Variants in ARSJ observed in about 807,000 individuals in gnomAD.
ARSJ encodes arylsulfatase family member J.
Under a neutral mutation model 35.9 loss-of-function variants are expected in ARSJ, and 26 were observed. That is an observed-to-expected ratio of 0.72 (90% CI 0.53 to 1.00). The LOEUF is 1.00. ARSJ is among the 50% of genes least tolerant of loss of function. ARSJ has a pLI of 0.00. For synonymous variants in ARSJ, 294 were observed against 267.6 expected, an observed-to-expected ratio of 1.10 and a Z score of -0.96; for missense variants, 667 against 723.6, an observed-to-expected ratio of 0.92 and a Z score of 0.90.
chr4:113,928,441 T>C (rs1307136024), intron 1 of ARSJ, among the ~76,000 whole-genome samples: 1 of 152,132 alleles, frequency 6.6e-6, no homozygotes, highest in African/African-American at 2.4e-5. Flanking sequence ...TTCAAAATAG[T>C]CTTTTGTCCA....
At position 113,978,528 on chromosome 4, in the gene ARSJ, G is replaced by A. The variant is rs1460143200; in HGVS notation, c.307C>T (p.Leu103Phe). The change falls in exon 1 of 2, where the codon CTT (leucine) becomes TTT (phenylalanine). Residue 103 changes from leucine to phenylalanine, a missense_variant. By Grantham distance (22) the Leu-to-Phe change is conservative (BLOSUM62 0). Transcript: ENST00000315366. ...ACTCCTTCGGCAGCGAGCTTGTCAA[G>A]AGTAGGTGTTTTAATCTCAGATCCG... ...YHGSEIKTPT[L>F]DKLAAEGVKL... 8.1e-6 allele frequency: 13 copies of A among 1,614,118 alleles called. No individual in the cohort carries two copies. The highest frequency in any genetic ancestry group is 1.1e-5 in the Non-Finnish European group (13 of 1,180,028).
At chr4:113,976,319 C>T (rs958160925) in intron 1 of ARSJ, among the ~76,000 whole-genome samples, 3 of 151,946 alleles carry the variant, frequency 2.0e-5, no homozygotes, top group Non-Finnish European at 4.4e-5. Context: ...TTTATGGCTT[C>T]CTTTTTTAAT....
chr4:113,913,119 C>A (rs1482570753), intron 1 of ARSJ, among the ~76,000 whole-genome samples: 1 of 152,000 alleles, frequency 6.6e-6, no homozygotes, highest in Non-Finnish European at 1.5e-5. Flanking sequence ...AATTACCCCT[C>A]AAATCCAGAG....
In ARSJ at chr4:113,937,303, A is replaced by G. The variant is rs977083571; in HGVS notation, c.399-33628T>C. The stretch of plus-strand genomic sequence containing the variant: ...GTAAGAACACGAACCCTTAGGAAGA[A>G]TTAGATCCTGCTGGATCAAAGCCAC... On this transcript the variant is annotated intron_variant, in intron 1 of 1. Transcript: ENST00000315366. Among the ~76,000 whole-genome samples the G allele has an allele frequency of 1.3e-4, 20 of 152,124 alleles. No homozygotes were observed. In the East Asian group the frequency reaches 3.7e-3, roughly 28 times the overall value.
intron 1 of ARSJ, among the ~76,000 whole-genome samples, chr4:113,908,991 G>A (rs2099669622): frequency 6.6e-6 from 1 of 152,010 alleles, no homozygotes; most frequent in Non-Finnish European, 1.5e-5. Flanking sequence ...AGATTGTTTA[G>A]AGATTGTTTA....
At chr4:113,973,434 A>T (rs1263910518) in intron 1 of ARSJ, among the ~76,000 whole-genome samples, 1 of 152,118 alleles carries the variant, frequency 6.6e-6, no homozygotes. Context: ...TCCATGATCC[A>T]CCATGCTAAT....
chr4:113,959,705 T>C (rs1167954005), intron 1 of ARSJ, among the ~76,000 whole-genome samples: 2 of 152,116 alleles, frequency 1.3e-5, no homozygotes, highest in Non-Finnish European at 2.9e-5. Flanking sequence ...TGTTTTTTTC[T>C]TGAACATTTG....
rs185248925 is a variant in ARSJ, at chr4:113,937,282, G to C, written c.399-33607C>G. The stretch of plus-strand genomic sequence containing the variant: ...CTAATAATCCTGTAGTGACACGTAA[G>C]AACACGAACCCTTAGGAAGAATTAG... On this transcript the variant is annotated intron_variant, in intron 1 of 1. Transcript: ENST00000315366. Among the ~76,000 whole-genome samples, 458 of 152,036 alleles carry C rather than the reference G, an allele frequency of 3.0e-3. 3 individuals are homozygous for C. Among genetic ancestry groups the C allele is most frequent in the African/African-American group, 0.01 (424 of 41,518 alleles).
chr4:113,902,904 T>A lies in ARSJ; in HGVS notation c.1170A>T (p.Gly390=). 6.2e-7 allele frequency: 1 copy of A among 1,614,216 alleles called. No homozygotes were observed. The highest frequency in any genetic ancestry group is 8.5e-7 in the Non-Finnish European group (1 of 1,180,034). The change falls in exon 2 of 2, where the codon GGA becomes GGT. Residue 390 remains glycine (G), a synonymous_variant. Transcript: ENST00000315366. ...CTAGTTGAATGTCCTCATCAATCTG[T>A]CCTTCAGCCAGTGAAATGAGAGTGG... ...WYPTLISLAE[G]QIDEDIQLDG...
Position 113,957,015 on chromosome 4 carries a change from G to A in ARSJ, c.398+21422C>T, listed in dbSNP as rs145032969. 2.9e-3 allele frequency among the ~76,000 whole-genome samples: 435 copies of A among 152,198 alleles called. 5 individuals carry two copies. Among genetic ancestry groups the A allele is most frequent in the African/African-American group, 9.7e-3 (403 of 41,540 alleles). ...CAGTATTTTATAGGCTGTTGCAGCTGTAGCAGCAAGATGGACCTATAGAAT... is the reference window on the plus strand; with the variant it reads ...CAGTATTTTATAGGCTGTTGCAGCTATAGCAGCAAGATGGACCTATAGAAT... On this transcript the variant is annotated intron_variant, in intron 1 of 1. Transcript: ENST00000315366.
chr4:113,954,034 G>T (rs1455003593), intron 1 of ARSJ, among the ~76,000 whole-genome samples: 1 of 151,874 alleles, frequency 6.6e-6, no homozygotes, highest in Non-Finnish European at 1.5e-5. Flanking sequence ...TTCCTGTTCT[G>T]GGTTTCTAAT....
chr4:113,965,217 ACTT>A (rs1299682206), intron 1 of ARSJ, among the ~76,000 whole-genome samples: 3 of 152,122 alleles, frequency 2.0e-5, no homozygotes, highest in Non-Finnish European at 4.4e-5. Context: ...AAAAACAAGA[ACTT>A]CTTCCAACTT....
chr4:113,978,669 C>T lies in ARSJ; in HGVS notation c.166G>A (p.Gly56Arg). The change falls in exon 1 of 2, where the codon GGG becomes AGG. Residue 56 changes from glycine to arginine, a missense_variant. Transcript: ENST00000315366. Reference sequence around the variant, plus strand: ...TCTCCAGCTTGAGCTAGTAAGGCCCCTTCTTCCTCCTCTTCTAAGGCCTGG... The same window carrying T: ...TCTCCAGCTTGAGCTAGTAAGGCCCTTTCTTCCTCCTCTTCTAAGGCCTGG... ...WGQALEEEEEGALLAQAGEKL... is the reference protein window; with the variant it reads ...WGQALEEEEERALLAQAGEKL... 6.2e-7 allele frequency: 1 copy of T among 1,614,258 alleles called. No homozygotes were observed. Among genetic ancestry groups the T allele is most frequent in the Non-Finnish European group, 8.5e-7 (1 of 1,180,052 alleles).
At chr4:113,944,429 T>C (rs1347325079) in intron 1 of ARSJ, 2 of 152,054 alleles carry the variant, frequency 1.3e-5, no homozygotes, top group African/African-American at 4.8e-5. Context: ...TCAAGAAAAA[T>C]GATCTCATAA....
At chr4:113,965,847 T>A (rs1187879376) in intron 1 of ARSJ, among the ~76,000 whole-genome samples, 1 of 152,064 alleles carries the variant, frequency 6.6e-6, no homozygotes, top group Non-Finnish European at 1.5e-5. Context: ...TAAAAATATC[T>A]AAACCAAATT....
At chr4:113,956,768 C>A (rs567279867) in intron 1 of ARSJ, among the ~76,000 whole-genome samples, 3 of 151,916 alleles carry the variant, frequency 2.0e-5, no homozygotes, top group Non-Finnish European at 4.4e-5. Context: ...ATGGTCACTG[C>A]AAGTAGATCA....
intron 1 of ARSJ, among the ~76,000 whole-genome samples, chr4:113,929,656 C>G (rs767176984): frequency 6.6e-6 from 1 of 152,148 alleles, no homozygotes; most frequent in Non-Finnish European, 1.5e-5. Context: ...GTCAGCCACT[C>G]ACATGATAAG....
chr4:113,925,115 T>C (rs1723970614), intron 1 of ARSJ, among the ~76,000 whole-genome samples: 1 of 152,130 alleles, frequency 6.6e-6, no homozygotes. Context: ...TAGACTGATT[T>C]CACCTTGATA....
chr4:113,969,717 A>T (rs889562770), intron 1 of ARSJ, among the ~76,000 whole-genome samples: 1 of 152,182 alleles, frequency 6.6e-6, no homozygotes, highest in Non-Finnish European at 1.5e-5. Flanking sequence ...TGTAATTCAG[A>T]TTTCCTTACT....
Sources: allele counts gnomAD v4.1 joint callset (sites outside exome capture counted in the v4.1 genomes callset), GRCh38; gene constraint gnomAD v4.1.1; transcripts MANE v1.5; gene names NCBI Gene and HGNC (gene_info 2026-07-23, HGNC 2026-07-21).